Variants in MXRA5 observed in about 807,000 individuals in gnomAD.
The protein encoded by MXRA5 is matrix-remodeling-associated protein 5.
Under a neutral mutation model 112.5 loss-of-function variants are expected in MXRA5, and 41 were observed. The observed-to-expected ratio is 0.36, with a 90% CI of 0.28 to 0.47. The LOEUF is 0.47. Ranked by LOEUF, MXRA5 falls within the 20% of genes least tolerant of loss-of-function variation. The pLI is 0.99. For missense variants in MXRA5, 2,150 were observed against 2,251.0 expected, an observed-to-expected ratio of 0.96 and a Z score of 0.91; for synonymous variants, 862 against 900.8, an observed-to-expected ratio of 0.96 and a Z score of 0.77.
intron 4 of MXRA5, among the ~76,000 whole-genome samples, chrX:3,325,322 A>G (rs1305969808): frequency 9.0e-6 from 1 of 110,695 alleles, no homozygotes; most frequent in Non-Finnish European, 1.9e-5. Flanking sequence ...AAAGTTTAGG[A>G]GAATCTATAT....
Position 3,322,456 on chromosome X carries a change from G to C in MXRA5, c.3229C>G (p.Pro1077Ala). The C allele has an allele frequency of 2.5e-6, 3 of 1,210,879 alleles. No individual in the cohort carries two copies. Among genetic ancestry groups the C allele is most frequent in the Non-Finnish European group, 3.4e-6 (3 of 895,186 alleles). The stretch of plus-strand genomic sequence containing the variant: ...CTCTCAGAACTTCTGGAGTGTGTGG[G>C]GTCTCCCTCTAGCATATTTCCTCCC... ...LQGGNMLEGD[P>A]THSRSSESEG... The change falls in exon 5 of 7, where the codon CCC becomes GCC. Residue 1077 changes from proline to alanine, a missense_variant. Physicochemically the swap from Pro to Ala is conservative, Grantham distance 27. This residue lies in a region of MXRA5 where 1,485 missense variants were observed against 1,471.6 expected (regional missense o/e 1.01). Transcript: ENST00000217939.
intron 2 of MXRA5, among the ~76,000 whole-genome samples, chrX:3,342,705 A>G (rs1922018148): frequency 8.9e-6 from 1 of 111,774 alleles, no homozygotes; most frequent in African/African-American, 3.3e-5. Context: ...TTTCCATCTT[A>G]CTCCCTCAAC....
In MXRA5 at chrX:3,320,308, G is replaced by T. The variant is rs1272141729; in HGVS notation, c.5377C>A (p.Pro1793Thr). The change falls in exon 5 of 7, where the codon CCG becomes ACG. Residue 1793 changes from proline (P) to threonine (T), a missense_variant. Pro to Thr is a conservative substitution (Grantham distance 38). Coordinates refer to ENST00000217939, the MANE Select transcript of MXRA5 (RefSeq NM_015419.4). ...GPPAPPLLHT[P>T]QTTGSPSTNL... ...GTTGAGGGTGATCCCGTGGTCTGCG[G>T]AGTGTGCAACAACGGAGGTGCCGGA... is the stretch of plus-strand genomic sequence containing the variant. 3 of 1,210,318 alleles carry T rather than the reference G, an allele frequency of 2.5e-6. No individual in the cohort carries two copies. In the Admixed American group the frequency reaches 6.5e-5, roughly 26 times the overall value.
intron 2 of MXRA5, among the ~76,000 whole-genome samples, chrX:3,343,412 C>T (rs1328465524): frequency 8.9e-6 from 1 of 112,230 alleles, no homozygotes; most frequent in Non-Finnish European, 1.9e-5. Flanking sequence ...CGTTAATAGA[C>T]CTTACAGCAG....
intron 5 of MXRA5, among the ~76,000 whole-genome samples, chrX:3,318,499 C>A (rs756574069): frequency 8.9e-6 from 1 of 112,000 alleles, no homozygotes; most frequent in African/African-American, 3.2e-5. Context: ...CATCTCATGC[C>A]TGCTGGAATG....
intron 5 of MXRA5, among the ~76,000 whole-genome samples, chrX:3,319,573 G>C (rs1921239722): frequency 8.9e-6 from 1 of 112,753 alleles, no homozygotes; most frequent in Admixed American, 9.4e-5. Flanking sequence ...CCTAAAGTAA[G>C]ACTCCAGTAA....
intron 6 of MXRA5, among the ~76,000 whole-genome samples, chrX:3,315,388 A>AGGTAGAAG (rs1921081065): frequency 8.2e-5 from 2 of 24,317 alleles, no homozygotes; most frequent in African/African-American, 5.3e-4. Flanking sequence ...ATAGATAGAT[A>AGGTAGAAG]GATGATAGAT....
chrX:3,339,955 C>T (rs1175803269), intron 2 of MXRA5, among the ~76,000 whole-genome samples: 3 of 111,606 alleles, frequency 2.7e-5, no homozygotes, highest in Non-Finnish European at 5.6e-5. Flanking sequence ...TCTTCGGTTC[C>T]GGTTAATATC....
intron 5 of MXRA5, among the ~76,000 whole-genome samples, chrX:3,318,866 T>TA (rs59408908): frequency 0.18 from 19,205 of 106,723 alleles, 2,052 homozygotes; most frequent in African/African-American, 0.38. Context: ...TCTTTTTCTT[T>TA]AAAAAAAAAA....
At chrX:3,335,149 G>T (rs965798229) in intron 2 of MXRA5, among the ~76,000 whole-genome samples, 2 of 111,355 alleles carry the variant, frequency 1.8e-5, no homozygotes, top group Non-Finnish European at 3.8e-5. Context: ...CATGGATAAT[G>T]ACCATACTAA....
At chrX:3,341,420 A>AC (rs1921959822) in intron 2 of MXRA5, among the ~76,000 whole-genome samples, 54 of 16,851 alleles carry the variant, frequency 3.2e-3, no homozygotes, top group African/African-American at 0.017. Context: ...TATTATATAT[A>AC]ATATATGTAA....
chrX:3,334,040 G>A (rs1921730450), intron 2 of MXRA5, among the ~76,000 whole-genome samples: 1 of 111,580 alleles, frequency 9.0e-6, no homozygotes, highest in South Asian at 3.8e-4. Flanking sequence ...AGAGTGTGGT[G>A]GCACAATCTT....
chrX:3,339,556 G>A (rs758386047), intron 2 of MXRA5, among the ~76,000 whole-genome samples: 1 of 111,269 alleles, frequency 9.0e-6, no homozygotes, highest in African/African-American at 3.3e-5. Context: ...ATGAGCCACC[G>A]TGCCCGGACC....
intron 4 of MXRA5, among the ~76,000 whole-genome samples, chrX:3,328,128 G>A (rs1242532837): frequency 1.8e-5 from 2 of 112,344 alleles, no homozygotes; most frequent in African/African-American, 6.5e-5. Flanking sequence ...TGGAGGAGGC[G>A]TGTGTCTTTT....
Position 3,323,313 on chromosome X carries a change from C to A in MXRA5, c.2372G>T (p.Arg791Leu), listed in dbSNP as rs41297261. The A allele has an allele frequency of 9.3e-5, 112 of 1,209,794 alleles. No homozygotes were observed. Among genetic ancestry groups the A allele is most frequent in the Non-Finnish European group, 1.2e-4 (105 of 895,217 alleles). The change falls in exon 5 of 7, where the codon CGT becomes CTT. Residue 791 changes from arginine (R) to leucine (L), a missense_variant. Arg to Leu is a moderately radical substitution (Grantham distance 102). Coordinates refer to ENST00000217939, the MANE Select transcript of MXRA5 (RefSeq NM_015419.4). ...TGTGCCCTTAGGGAGATTTTTCCCA[C>A]GGACTTTGGCTAAAATATCAGCCCA... is the stretch of plus-strand genomic sequence containing the variant. ...ERWADILAKV[R>L]GKNLPKGTEV...
In MXRA5 at chrX:3,345,540, G is replaced by A. The variant is rs778553374; in HGVS notation, c.-29+975C>T. ...ACTCTTCAGCCCCAACTCCCTGTCC[G>A]GCCTCCCACCCCGGCACCAACCTCC... On this transcript the variant is annotated intron_variant, in intron 1 of 6. Coordinates refer to ENST00000217939, the MANE Select transcript of MXRA5 (RefSeq NM_015419.4). Among the ~76,000 whole-genome samples, 3 of 112,791 alleles carry A rather than the reference G, an allele frequency of 2.7e-5. No homozygotes were observed. The South Asian group carries it at 1.1e-3, about 41-fold the overall frequency.
chrX:3,327,926 T>G (rs1321273540), intron 4 of MXRA5, among the ~76,000 whole-genome samples: 1 of 113,164 alleles, frequency 8.8e-6, no homozygotes, highest in Non-Finnish European at 1.9e-5. Flanking sequence ...AATACATGCA[T>G]AGACATGCAC....
intron 2 of MXRA5, among the ~76,000 whole-genome samples, chrX:3,338,086 G>C (rs989055629): frequency 9.0e-6 from 1 of 111,374 alleles, no homozygotes; most frequent in African/African-American, 3.3e-5. Context: ...ATGGAATAGA[G>C]CCCTGGGAGT....
chrX:3,321,375 G>A lies in MXRA5; in HGVS notation c.4310C>T (p.Ala1437Val). 1 of 1,211,892 alleles carries A rather than the reference G, an allele frequency of 8.3e-7. No individual in the cohort carries two copies. The highest frequency in any genetic ancestry group is 1.1e-6 in the Non-Finnish European group (1 of 895,479). The change falls in exon 5 of 7, where the codon GCT becomes GTT. Residue 1437 changes from alanine (A) to valine (V), a missense_variant. Physicochemically the swap from Ala to Val is moderately conservative, Grantham distance 64. Coordinates refer to ENST00000217939, the MANE Select transcript of MXRA5 (RefSeq NM_015419.4). ...GCTTGAGAGAGTTGTGGAAGAACCAGCTTCTTCCTGGTGAAATGGTGTGGA... is the reference window on the plus strand; with the variant it reads ...GCTTGAGAGAGTTGTGGAAGAACCAACTTCTTCCTGGTGAAATGGTGTGGA... ...TVSTPFHQEE[A>V]GSSTTLSSIK...
Sources: allele counts gnomAD v4.1 joint callset (sites outside exome capture counted in the v4.1 genomes callset), GRCh38; gene constraint gnomAD v4.1.1; regional missense constraint gnomAD v4.1.1; transcripts MANE v1.5; gene names NCBI Gene and HGNC (gene_info 2026-07-23, HGNC 2026-07-21).